The following RALGPS1 variants were observed in gnomAD, a reference collection of about 807,000 sequenced individuals.
The protein encoded by RALGPS1 is ras-specific guanine nucleotide-releasing factor RalGPS1.
Under a neutral mutation model 78.8 loss-of-function variants are expected in RALGPS1, and 19 were observed. That is an observed-to-expected ratio of 0.24 (90% CI 0.17 to 0.35). The LOEUF (loss-of-function observed/expected upper bound fraction) is 0.35. RALGPS1 is among the 10% of genes least tolerant of loss of function. The probability of loss-of-function intolerance (pLI) is 1.00; values close to 1 mark genes in which losing one functional copy is unlikely to be tolerated. For missense variants in RALGPS1, 454 were observed against 688.3 expected (o/e 0.66, Z 3.81); for synonymous variants, 228 against 256.3 (o/e 0.89, Z 1.06).
intron 5 of RALGPS1, among the ~76,000 whole-genome samples, chr9:127,045,756 C>CACAT (rs1554804746): frequency 8.1e-4 from 36 of 44,388 alleles, no homozygotes; most frequent in African/African-American, 1.8e-3. Context: ...CACACACACA[C>CACAT]ACACATACAC....
intron 1 of RALGPS1, among the ~76,000 whole-genome samples, chr9:126,934,497 G>T (rs1006616473): frequency 1.5e-4 from 23 of 152,318 alleles, no homozygotes; most frequent in African/African-American, 5.5e-4. Flanking sequence ...TGGTGCTGTA[G>T]TCAGAGAAAC....
intron 4 of RALGPS1, among the ~76,000 whole-genome samples, chr9:126,998,556 G>T (rs184393715): frequency 2.6e-5 from 4 of 152,226 alleles, no homozygotes; most frequent in East Asian, 1.9e-4. Flanking sequence ...GGAACACTTT[G>T]ACACTGTTGG....
chr9:127,216,064 T>A (rs980276622), intron 18 of RALGPS1: 1 of 152,196 alleles, frequency 6.6e-6, no homozygotes, highest in Admixed American at 6.5e-5. Flanking sequence ...GGATGGGGAC[T>A]TCATGGTGCC....
chr9:127,218,159 G>A lies in RALGPS1; in HGVS notation c.1645-581G>A, dbSNP rs1488560923. Among the ~76,000 whole-genome samples, 1 of 152,164 alleles carries A rather than the reference G, an allele frequency of 6.6e-6. No individual in the cohort carries two copies. Among genetic ancestry groups the A allele is most frequent in the Non-Finnish European group, 1.5e-5 (1 of 68,020 alleles). ...GAGGACCTGTTGGCAGCTTTTGGGG[G>A]TGGCAGAAACACTCTGACCTTGGGG... is the stretch of plus-strand genomic sequence containing the variant. On this transcript the variant is annotated intron_variant, in intron 18 of 18. Coordinates refer to ENST00000259351, the MANE Select transcript of RALGPS1 (RefSeq NM_014636.3). The surrounding 1 kb of genome is among the most constrained non-coding windows in gnomAD (Gnocchi z 4.4).
chr9:126,927,782 C>G (rs927032787), intron 1 of RALGPS1, among the ~76,000 whole-genome samples: 1 of 152,186 alleles, frequency 6.6e-6, no homozygotes, highest in Non-Finnish European at 1.5e-5. Flanking sequence ...CAGGATGGAT[C>G]TGCAACCTCA....
chr9:127,005,247 G>A (rs7022033), intron 4 of RALGPS1, among the ~76,000 whole-genome samples: 89,101 of 152,186 alleles, frequency 0.59, 30,184 homozygotes, highest in East Asian at 0.81. Context: ...GTACCTGCAT[G>A]TTGTCAGCAT....
At chr9:127,197,496 G>A (rs1005968802) in intron 13 of RALGPS1, among the ~76,000 whole-genome samples, 31 of 129,176 alleles carry the variant, frequency 2.4e-4, no homozygotes, top group Admixed American at 6.7e-4. Context: ...AGGGCCCAGA[G>A]CATGGGGGTG....
At chr9:127,032,319 G>A (rs189043564) in intron 4 of RALGPS1, among the ~76,000 whole-genome samples, 3 of 152,354 alleles carry the variant, frequency 2.0e-5, no homozygotes, top group African/African-American at 4.8e-5. Flanking sequence ...TTATTACGGT[G>A]TGGAAATAAG....
At chr9:127,074,826 C>T (rs1175441704) in intron 8 of RALGPS1, among the ~76,000 whole-genome samples, 1 of 152,268 alleles carries the variant, frequency 6.6e-6, no homozygotes, top group African/African-American at 2.4e-5. Flanking sequence ...TGACACTGCC[C>T]TCTCCTGATT....
At chr9:127,065,028 C>A (rs1042227732) in intron 7 of RALGPS1, among the ~76,000 whole-genome samples, 1 of 151,956 alleles carries the variant, frequency 6.6e-6, no homozygotes, top group African/African-American at 2.4e-5. Flanking sequence ...CAACCTTGAA[C>A]TCCTGGGCTC....
chr9:127,013,621 C>G (rs545430358), intron 4 of RALGPS1, among the ~76,000 whole-genome samples: 1 of 152,284 alleles, frequency 6.6e-6, no homozygotes, highest in Non-Finnish European at 1.5e-5. Context: ...CATGTCTGCC[C>G]CATCCCACTC....
chr9:126,920,051 C>T (rs2119571434), intron 1 of RALGPS1, among the ~76,000 whole-genome samples: 1 of 152,250 alleles, frequency 6.6e-6, no homozygotes, highest in Middle Eastern at 3.4e-3. Context: ...GATCAGAGCA[C>T]ACATCATGTT....
At chr9:126,967,459 A>G (rs1159802000) in intron 3 of RALGPS1, among the ~76,000 whole-genome samples, 2 of 152,160 alleles carry the variant, frequency 1.3e-5, no homozygotes. Context: ...CTAAAGTAGC[A>G]TCTTTCCATC....
chr9:127,108,492 C>G, intron 8 of RALGPS1: 1 of 1,612,878 alleles, frequency 6.2e-7, no homozygotes, highest in African/African-American at 1.3e-5. Context: ...CTCGGTTCTC[C>G]AGAAGCACCT....
chr9:127,097,695 T>TAG (rs1174882093), intron 8 of RALGPS1, among the ~76,000 whole-genome samples: 1 of 152,222 alleles, frequency 6.6e-6, no homozygotes, highest in Non-Finnish European at 1.5e-5. Context: ...ATATAAATAA[T>TAG]ACTGTGAAAA....
intron 8 of RALGPS1, among the ~76,000 whole-genome samples, chr9:127,130,715 C>T (rs1046534379): frequency 1.9e-4 from 29 of 152,196 alleles, no homozygotes; most frequent in African/African-American, 6.0e-4. Context: ...TTATGAGCTA[C>T]GGTAGATTCT....
chr9:127,089,684 A>G (rs2052222135), intron 8 of RALGPS1, among the ~76,000 whole-genome samples: 1 of 152,214 alleles, frequency 6.6e-6, no homozygotes, highest in Admixed American at 6.5e-5. Context: ...CATCCAAACA[A>G]TTTTTTGTAT....
At chr9:126,935,616 A>G (rs1453695565) in intron 1 of RALGPS1, among the ~76,000 whole-genome samples, 1 of 149,050 alleles carries the variant, frequency 6.7e-6, no homozygotes, top group Non-Finnish European at 1.5e-5. Context: ...ATGATTAACA[A>G]CACTATAAGT....
chr9:127,182,847 C>A (rs2060367853), intron 11 of RALGPS1, among the ~76,000 whole-genome samples: 1 of 152,170 alleles, frequency 6.6e-6, no homozygotes, highest in South Asian at 2.1e-4. Flanking sequence ...GCCATTCTTG[C>A]ATCACCATAA....
Sources: gnomAD v4.1 joint callset for allele counts (sites outside exome capture counted in the v4.1 genomes callset) on GRCh38, gnomAD v4.1.1 for gene constraint, Gnocchi (gnomAD v3.1) non-coding constraint, MANE v1.5 for transcripts, NCBI Gene and HGNC (gene_info 2026-07-23, HGNC 2026-07-21) for gene names.